Variants in CD109 observed in about 807,000 individuals in gnomAD.
CD109 encodes the protein CD109 antigen.
Under a neutral mutation model 165.8 loss-of-function variants are expected in CD109, and 149 were observed. The observed-to-expected ratio is 0.90, with a 90% CI of 0.79 to 1.03. The LOEUF (loss-of-function observed/expected upper bound fraction) is 1.03. Among genes scored for constraint, CD109 ranks in the 50% least tolerant of loss-of-function variants. CD109 has a pLI of 0.00. For missense variants in CD109, 1,712 were observed against 1,677.8 expected, an observed-to-expected ratio of 1.02 and a Z score of -0.36; for synonymous variants, 585 against 592.1, an observed-to-expected ratio of 0.99 and a Z score of 0.18.
In CD109 at chr6:73,721,896, G is replaced by T. The variant is rs180820354; in HGVS notation, c.248-1355G>T. On this transcript the variant is annotated intron_variant, in intron 2 of 32. Transcript: ENST00000287097. Reference sequence around the variant, plus strand: ...GGACTACAGGCGTGCCACTATGCCTGGCTAATTTTTGTAGTTTTTAGTGGA... The same window carrying T: ...GGACTACAGGCGTGCCACTATGCCTTGCTAATTTTTGTAGTTTTTAGTGGA... Among the ~76,000 whole-genome samples the T allele has an allele frequency of 2.9e-3, 446 of 152,064 alleles. 3 individuals are homozygous for T. Among genetic ancestry groups the T allele is most frequent in the African/African-American group, 0.01 (426 of 41,468 alleles).
intron 2 of CD109, among the ~76,000 whole-genome samples, chr6:73,711,237 T>G (rs1771525754): frequency 6.6e-6 from 1 of 152,204 alleles, no homozygotes; most frequent in Non-Finnish European, 1.5e-5. Flanking sequence ...TAGGTTTGTG[T>G]TTGACCTGCT....
intron 29 of CD109, among the ~76,000 whole-genome samples, chr6:73,814,588 G>A (rs1022661549): frequency 4.6e-5 from 7 of 152,174 alleles, no homozygotes; most frequent in Non-Finnish European, 1.0e-4. Flanking sequence ...ATCCTACTGA[G>A]AGTTTTTGAA....
chr6:73,826,734 A>G lies in CD109; in HGVS notation c.*3101A>G, dbSNP rs1346568136. 2.6e-5 allele frequency: 4 copies of G among 151,976 alleles called. No homozygotes were observed. Among genetic ancestry groups the G allele is most frequent in the Non-Finnish European group, 5.9e-5 (4 of 68,000 alleles). The allele number at this position is 151,976 out of a possible 1,614,324, so 9.4% of individuals were successfully genotyped here. A position where few individuals can be genotyped will look rare whatever the true frequency, so the allele number is the denominator to read the frequency against. On this transcript the variant is annotated 3_prime_UTR_variant, in exon 33 of 33. Coordinates refer to ENST00000287097, the MANE Select transcript of CD109 (RefSeq NM_133493.5). ...TTTTGCTTATGTAGAATCCAGATAT[A>G]TTTCTGTTACCTAGGAGATGTTACT...
chr6:73,812,630 TGAG>T (rs1420273121), intron 29 of CD109, among the ~76,000 whole-genome samples: 1 of 152,102 alleles, frequency 6.6e-6, no homozygotes, highest in East Asian at 1.9e-4. Flanking sequence ...ATTATTGACT[TGAG>T]GGGAGGAATT....
At chr6:73,788,166 C>A (rs775453741) in intron 21 of CD109, among the ~76,000 whole-genome samples, 1 of 151,992 alleles carries the variant, frequency 6.6e-6, no homozygotes, top group Non-Finnish European at 1.5e-5. Context: ...GTGAAAAACA[C>A]GTTTCAGTTA....
At chr6:73,792,911 T>G in intron 23 of CD109, 109 bp downstream of exon 23, 1 of 773,190 alleles carries the variant, frequency 1.3e-6, no homozygotes, top group Non-Finnish European at 2.0e-6. Flanking sequence ...CTTAGGTAAG[T>G]GATGGGCTAC....
At chr6:73,685,148 C>T in the CD109 span, among the ~76,000 whole-genome samples, 5 of 151,452 alleles carry the variant, frequency 3.3e-5, no homozygotes, top group East Asian at 1.9e-4. Flanking sequence ...ATGATCCACC[C>T]GCCTCAGCCT....
chr6:73,686,754 C>A, the CD109 span, among the ~76,000 whole-genome samples: 1 of 152,270 alleles, frequency 6.6e-6, no homozygotes, highest in South Asian at 2.1e-4. Flanking sequence ...TGTAGTGGCA[C>A]AATCTCAGCT....
Position 73,796,021 on chromosome 6 carries a change from A to G in CD109, c.2878+3219A>G, listed in dbSNP as rs376598907. On this transcript the variant is annotated intron_variant, in intron 23 of 32. Coordinates refer to ENST00000287097, the MANE Select transcript of CD109 (RefSeq NM_133493.5). The stretch of plus-strand genomic sequence containing the variant: ...GGGAGTTAGAGGTTAATGTCAGTGA[A>G]TAAATCCTGTCCATTCTCCCTCTAA... Among the ~76,000 whole-genome samples, 51 of 152,248 alleles carry G rather than the reference A, an allele frequency of 3.3e-4. 1 individual carries two copies. In the East Asian group the frequency reaches 7.7e-3, roughly 23 times the overall value.
chr6:73,760,837 T>G (rs946041403), intron 7 of CD109, among the ~76,000 whole-genome samples: 7 of 152,014 alleles, frequency 4.6e-5, no homozygotes, highest in Non-Finnish European at 1.0e-4. Flanking sequence ...AGAGCGAGAC[T>G]CTGTCTCAAA....
intron 15 of CD109, among the ~76,000 whole-genome samples, chr6:73,773,155 C>G (rs376196327): frequency 1.3e-5 from 2 of 150,356 alleles, no homozygotes; most frequent in African/African-American, 4.9e-5. Context: ...TGATGTGCTG[C>G]GCACTCTGTC....
At chr6:73,709,343 G>C (rs886309370) in intron 2 of CD109, among the ~76,000 whole-genome samples, 5 of 152,084 alleles carry the variant, frequency 3.3e-5, no homozygotes, top group South Asian at 2.1e-4. Context: ...GGGCTCTATT[G>C]TGTTCCATTG....
Position 73,820,450 on chromosome 6 carries a change from T to C in CD109, c.4060-11T>C, listed in dbSNP as rs1446265488. ...GTGCCAACCCCTTAAGACTCTTTTG[T>C]ATTTCTCAAGGTAAATGAAACCCAG... is the stretch of plus-strand genomic sequence containing the variant. On this transcript the variant is annotated splice_polypyrimidine_tract_variant and intron_variant, in intron 31 of 32. Transcript: ENST00000287097. 6 of 1,513,398 alleles carry C rather than the reference T, an allele frequency of 4.0e-6. No homozygotes were observed. The highest frequency in any genetic ancestry group is 4.5e-5 in the East Asian group (2 of 44,314). The allele number at this position is 1,513,398 out of a possible 1,614,324, so 93.7% of individuals were successfully genotyped here.
At position 73,788,510 on chromosome 6, in the gene CD109, G is replaced by A. The variant is rs143203476; in HGVS notation, c.2599G>A (p.Asp867Asn). 3.1e-6 allele frequency: 5 copies of A among 1,611,864 alleles called. No homozygotes were observed. The highest frequency in any genetic ancestry group is 1.7e-5 in the Admixed American group (1 of 59,408). ...EKSYSQSILLDLTDNRLQSTL... is the reference protein window; with the variant it reads ...EKSYSQSILLNLTDNRLQSTL... ...ATCATATTCACAATCCATCTTATTA[G>A]ACTTGACTGACAATAGGCTACAGAG... The change falls in exon 22 of 33, where the codon GAC becomes AAC. Residue 867 changes from aspartate (D) to asparagine (N), a missense_variant. Physicochemically the swap from Asp to Asn is conservative, Grantham distance 23. Transcript: ENST00000287097.
intron 5 of CD109, 93 bp downstream of exon 5, chr6:73,736,601 G>T: frequency 9.3e-7 from 1 of 1,079,984 alleles, no homozygotes; most frequent in Non-Finnish European, 1.3e-6. Context: ...ACAATGAAGA[G>T]AAAAAAATTA....
rs1775587031 is a variant in CD109 at position 73,806,940 on chromosome 6, AC to A, written c.3058del (p.His1020IlefsTer14). On this transcript the variant is annotated frameshift_variant, in exon 25 of 33. Coordinates refer to ENST00000287097, the MANE Select transcript of CD109 (RefSeq NM_133493.5). LOFTEE classifies it high-confidence loss of function. ...ACAGAACATACACTTGGCTTAAAGG[AC>A]ATCAGAAATCCAACGGTGAATTTTG... ...LHRTYTWLKG[H>X]QKSNGEFWDP... 6.2e-7 allele frequency: 1 copy of A among 1,614,040 alleles called. No individual in the cohort carries two copies. Among genetic ancestry groups the A allele is most frequent in the African/African-American group, 1.3e-5 (1 of 75,046 alleles).
At chr6:73,723,217 G>A (rs1475324508) in intron 2 of CD109, 34 bp from the exon 3 acceptor site, 1 of 1,612,156 alleles carries the variant, frequency 6.2e-7, no homozygotes, top group Admixed American at 1.7e-5. Flanking sequence ...TTCAAATTGT[G>A]CTAACTCTGT....
chr6:73,739,871 AT>A (rs148826713), intron 5 of CD109, among the ~76,000 whole-genome samples: 3,276 of 152,080 alleles, frequency 0.022, 112 homozygotes, highest in African/African-American at 0.073. Flanking sequence ...TATTTTTTAA[AT>A]TTTTTAATTT....
intron 2 of CD109, among the ~76,000 whole-genome samples, chr6:73,719,889 T>G (rs2150165641): frequency 6.6e-6 from 1 of 152,344 alleles, no homozygotes; most frequent in African/African-American, 2.4e-5. Flanking sequence ...CTTTTCAATT[T>G]CACTTCAATT....
Sources: gnomAD v4.1 joint callset for allele counts (sites outside exome capture counted in the v4.1 genomes callset) on GRCh38, gnomAD v4.1.1 for gene constraint, MANE v1.5 for transcripts, NCBI Gene and HGNC (gene_info 2026-07-23, HGNC 2026-07-21) for gene names.